The following BNC2 variants were observed in gnomAD, a reference collection of about 807,000 sequenced individuals.
BNC2 encodes the protein zinc finger protein basonuclin-2.
Under a neutral mutation model 76.3 loss-of-function variants are expected in BNC2, and 20 were observed. The ratio of observed to expected loss-of-function variants is 0.26; its 90% confidence interval spans 0.18 to 0.38. BNC2 has a LOEUF of 0.38. Among genes scored for constraint, BNC2 ranks in the 10% least tolerant of loss-of-function variants. BNC2 has a pLI of 1.00. For missense variants in BNC2, 1,382 were observed against 1,399.8 expected (o/e 0.99, Z 0.20); for synonymous variants, 582 against 514.8 (o/e 1.13, Z -1.77).
At chr9:16,861,785 C>T (rs1285731210) in intron 1 of BNC2, among the ~76,000 whole-genome samples, 4 of 152,112 alleles carry the variant, frequency 2.6e-5, no homozygotes, top group Admixed American at 6.5e-5. Flanking sequence ...GTCAGGAGAT[C>T]GAGACCATCC....
chr9:16,675,699 T>C (rs1257214865), intron 3 of BNC2, among the ~76,000 whole-genome samples: 2 of 152,204 alleles, frequency 1.3e-5, no homozygotes, highest in Non-Finnish European at 2.9e-5. Context: ...AACTACGTGA[T>C]TTTGGTTAAG....
chr9:16,427,852 G>A (rs775427877), intron 6 of BNC2, among the ~76,000 whole-genome samples: 4 of 152,068 alleles, frequency 2.6e-5, no homozygotes, highest in African/African-American at 7.2e-5. Context: ...CTAATCAACC[G>A]AGCACCACTG....
At chr9:16,577,859 T>C (rs1318268885) in intron 4 of BNC2, among the ~76,000 whole-genome samples, 1 of 152,132 alleles carries the variant, frequency 6.6e-6, no homozygotes. Flanking sequence ...CTAGTATTCA[T>C]GCAGCTTGTT....
At chr9:16,678,267 C>CTT (rs140809930) in intron 3 of BNC2, among the ~76,000 whole-genome samples, 1,207 of 80,724 alleles carry the variant, frequency 0.015, 119 homozygotes, top group East Asian at 0.048. Context: ...CTTTCTTTTT[C>CTT]TTTTTTTTTT....
chr9:16,806,899 C>A (rs1399638944), intron 1 of BNC2, among the ~76,000 whole-genome samples: 2 of 152,162 alleles, frequency 1.3e-5, no homozygotes, highest in Non-Finnish European at 2.9e-5. Context: ...TGCATGCTGA[C>A]CAGAAAGAGA....
chr9:16,503,320 C>A (rs575845597), intron 5 of BNC2, among the ~76,000 whole-genome samples: 2 of 152,250 alleles, frequency 1.3e-5, no homozygotes, highest in South Asian at 4.1e-4. Context: ...CTTCCTGGGC[C>A]AAGCTCCAAA....
Position 16,417,244 on chromosome 9 carries a change from A to T in BNC2, c.*1745T>A, listed in dbSNP as rs956888284. ...CTTGAGTAAATATCATCATTTAGTC[A>T]GTATGTTGTGGTAGCTGAGGCTGCC... is the stretch of plus-strand genomic sequence containing the variant. On this transcript the variant is annotated 3_prime_UTR_variant, in exon 7 of 7. Coordinates refer to ENST00000380672, the MANE Select transcript of BNC2 (RefSeq NM_017637.6). 2.0e-5 allele frequency: 3 copies of T among 152,580 alleles called. No homozygotes were observed. The highest frequency in any genetic ancestry group is 7.2e-5 in the African/African-American group (3 of 41,436). 9.5% of individuals were successfully genotyped at this position (152,580 alleles called of 1,614,324 possible).
chr9:16,600,980 A>G (rs1423419394), intron 3 of BNC2, among the ~76,000 whole-genome samples: 3 of 152,334 alleles, frequency 2.0e-5, no homozygotes, highest in African/African-American at 7.2e-5. Context: ...ATCACAGAAA[A>G]TGATGATGAT....
intron 1 of BNC2, among the ~76,000 whole-genome samples, chr9:16,755,123 A>G (rs1330298): frequency 0.38 from 57,111 of 152,116 alleles, 13,180 homozygotes; most frequent in East Asian, 0.9. Context: ...TGACTCTGTA[A>G]AAAGGTATAA....
intron 3 of BNC2, among the ~76,000 whole-genome samples, chr9:16,708,565 A>G (rs1175542404): frequency 1.3e-5 from 2 of 152,178 alleles, no homozygotes; most frequent in Non-Finnish European, 2.9e-5. Flanking sequence ...GTGTATGGAC[A>G]AAAGAGAGAA....
intron 3 of BNC2, among the ~76,000 whole-genome samples, chr9:16,629,698 T>C (rs996800883): frequency 6.6e-6 from 1 of 152,204 alleles, no homozygotes; most frequent in Non-Finnish European, 1.5e-5. Context: ...ATAAAATTTG[T>C]TTATTCGATG....
intron 3 of BNC2, among the ~76,000 whole-genome samples, chr9:16,706,978 G>A (rs933262884): frequency 2.3e-4 from 35 of 152,288 alleles, no homozygotes; most frequent in Middle Eastern, 3.4e-3. Context: ...CGAGACGGGC[G>A]GATCACGAGG....
rs752840504 is a variant in BNC2 at position 16,839,483 on chromosome 9, T to C, written c.3+31163A>G. ...ACCAAATATTAAGCAATGATAAACA[T>C]TTAATTAACTGTGGCTCATTAGATG... On this transcript the variant is annotated intron_variant, in intron 1 of 6. Transcript: ENST00000380672. 4.3e-4 allele frequency among the ~76,000 whole-genome samples: 65 copies of C among 152,206 alleles called. 1 individual carries two copies. The highest frequency in any genetic ancestry group is 4.1e-3 in the Admixed American group (63 of 15,274).
At chr9:16,529,914 T>G (rs1319800293) in intron 5 of BNC2, among the ~76,000 whole-genome samples, 3 of 152,148 alleles carry the variant, frequency 2.0e-5, no homozygotes, top group Non-Finnish European at 4.4e-5. Flanking sequence ...AGTGGCATGA[T>G]CGCGGCTCAC....
intron 5 of BNC2, among the ~76,000 whole-genome samples, chr9:16,467,831 A>AT (rs1357087647): frequency 7.6e-5 from 11 of 144,600 alleles, no homozygotes; most frequent in African/African-American, 3.1e-4. Context: ...TTAGAGTATA[A>AT]TAAAAAAAAA....
rs769566701 is a variant in BNC2 at position 16,435,915 on chromosome 9, T to A, written c.2279A>T (p.Asp760Val). The A allele has an allele frequency of 4.3e-6, 7 of 1,613,930 alleles. No individual in the cohort carries two copies. In the East Asian group the frequency reaches 1.6e-4, roughly 36 times the overall value. The change falls in exon 6 of 7, where the codon GAT becomes GTT. Residue 760 changes from aspartate to valine, a missense_variant. Coordinates refer to ENST00000380672, the MANE Select transcript of BNC2 (RefSeq NM_017637.6). Reference protein sequence around the residue: ...EKVLMNSERPDENHSEPSHQD... With the variant: ...EKVLMNSERPVENHSEPSHQD... ...GTGAGAGGGCTCACTGTGGTTCTCA[T>A]CAGGCCTCTCACTATTCATCAGGAC... is the stretch of plus-strand genomic sequence containing the variant.
intron 3 of BNC2, among the ~76,000 whole-genome samples, chr9:16,619,039 T>G (rs1438035052): frequency 6.6e-6 from 1 of 152,196 alleles, no homozygotes; most frequent in African/African-American, 2.4e-5. Flanking sequence ...TAAGGTATGC[T>G]GGGTGCAAAG....
intron 3 of BNC2, among the ~76,000 whole-genome samples, chr9:16,716,032 C>T (rs1316850292): frequency 6.6e-6 from 1 of 152,158 alleles, no homozygotes; most frequent in Non-Finnish European, 1.5e-5. Flanking sequence ...ATGACCCAGC[C>T]TTACAGAGTG....
At chr9:16,812,328 T>C (rs947545680) in intron 1 of BNC2, among the ~76,000 whole-genome samples, 2 of 152,198 alleles carry the variant, frequency 1.3e-5, no homozygotes, top group African/African-American at 4.8e-5. Context: ...CCACCAGCAG[T>C]CCCATCTGCC....
Sources: allele counts gnomAD v4.1 joint callset (sites outside exome capture counted in the v4.1 genomes callset), GRCh38; gene constraint gnomAD v4.1.1; transcripts MANE v1.5; gene names NCBI Gene and HGNC (gene_info 2026-07-23, HGNC 2026-07-21).